The following PLCB1 variants were observed in gnomAD, a reference collection of about 807,000 sequenced individuals.
PLCB1 encodes the protein phospholipase C beta 1.
Under a neutral mutation model 161.8 loss-of-function variants are expected in PLCB1, and 46 were observed. That is an observed-to-expected ratio of 0.28 (90% CI 0.22 to 0.36). The LOEUF (loss-of-function observed/expected upper bound fraction) is 0.36, where lower values mean the gene tolerates loss of function less well. PLCB1 is among the 10% of genes least tolerant of loss of function. The pLI is 1.00. For missense variants in PLCB1, 1,016 were observed against 1,472.5 expected (o/e 0.69, Z 5.07); for synonymous variants, 517 against 503.7 (o/e 1.03, Z -0.35).
At chr20:8,175,270 G>A (rs1482947889) in intron 2 of PLCB1, among the ~76,000 whole-genome samples, 3 of 151,704 alleles carry the variant, frequency 2.0e-5, no homozygotes, top group Admixed American at 1.3e-4. Flanking sequence ...ATAATAAAAA[G>A]GCAGATGTAA....
chr20:8,533,596 A>G (rs6039179), intron 3 of PLCB1, among the ~76,000 whole-genome samples: 13,005 of 149,516 alleles, frequency 0.087, 760 homozygotes, highest in East Asian at 0.2. Context: ...GTTTTGATTT[A>G]CATTTCTCTG....
chr20:8,658,827 C>A lies in PLCB1; in HGVS notation c.862+123C>A, dbSNP rs2076639. The A allele has an allele frequency of 0.41, 317,096 of 775,094 alleles. 66,904 individuals carry two copies. The highest frequency in any genetic ancestry group is 0.45 in the Admixed American group (16,147 of 35,504). 48.0% of individuals were successfully genotyped at this position (775,094 alleles called of 1,614,324 possible). On this transcript the variant is annotated intron_variant, in intron 9 of 31. Coordinates refer to ENST00000338037, the MANE Select transcript of PLCB1 (RefSeq NM_015192.4). ...TCCTCTGTTTACAAGGCATTCCTTT[C>A]GGTCTGAAATCACTTGGTGGTTCAG...
intron 10 of PLCB1, among the ~76,000 whole-genome samples, chr20:8,686,486 A>G (rs765277885): frequency 2.6e-5 from 4 of 152,238 alleles, no homozygotes; most frequent in Non-Finnish European, 5.9e-5. Context: ...TGATATATTT[A>G]TATTCATTAC....
intron 2 of PLCB1, among the ~76,000 whole-genome samples, chr20:8,208,441 A>G (rs1978645371): frequency 2.6e-5 from 4 of 152,030 alleles, no homozygotes. Context: ...ACATCAATAA[A>G]CCATAGACAT....
chr20:8,471,404 T>C (rs1982048519), intron 3 of PLCB1, among the ~76,000 whole-genome samples: 1 of 152,160 alleles, frequency 6.6e-6, no homozygotes, highest in Non-Finnish European at 1.5e-5. Context: ...GCTTTAAGGA[T>C]GTTAATTTTT....
chr20:8,265,927 T>C (rs779437112), intron 2 of PLCB1, among the ~76,000 whole-genome samples: 1 of 152,200 alleles, frequency 6.6e-6, no homozygotes, highest in Non-Finnish European at 1.5e-5. Flanking sequence ...GGAGGACTAA[T>C]TTTTATTGTA....
chr20:8,348,758 G>A (rs907975081), intron 2 of PLCB1, among the ~76,000 whole-genome samples: 1 of 152,150 alleles, frequency 6.6e-6, no homozygotes, highest in Non-Finnish European at 1.5e-5. Flanking sequence ...CACATTTACT[G>A]TGGTTATAAG....
intron 2 of PLCB1, among the ~76,000 whole-genome samples, chr20:8,251,078 T>C (rs1323776757): frequency 6.6e-6 from 1 of 151,888 alleles, no homozygotes; most frequent in East Asian, 1.9e-4. Flanking sequence ...CAGTGTCTGG[T>C]AGTGGTCTGT....
intron 2 of PLCB1, among the ~76,000 whole-genome samples, chr20:8,338,115 G>A (rs963366471): frequency 1.3e-5 from 2 of 152,126 alleles, no homozygotes; most frequent in African/African-American, 4.8e-5. Context: ...CTGATTCACA[G>A]TTCTAGGAAT....
chr20:8,744,626 A>AAAATAAAATTAAAATAAAATG, intron 23 of PLCB1, among the ~76,000 whole-genome samples: 1 of 145,968 alleles, frequency 6.9e-6, no homozygotes, highest in Non-Finnish European at 1.5e-5. Context: ...TAAATAAAAT[A>AAAATAAAATTAAAATAAAATG]AAATAAAATA....
intron 3 of PLCB1, among the ~76,000 whole-genome samples, chr20:8,547,666 C>T (rs183796354): frequency 6.6e-6 from 1 of 152,296 alleles, no homozygotes; most frequent in Non-Finnish European, 1.5e-5. Context: ...CCTTGACATT[C>T]CACAGTGGCC....
intron 3 of PLCB1, chr20:8,600,908 C>T (rs1050868669): frequency 2.0e-5 from 3 of 152,718 alleles, no homozygotes; most frequent in South Asian, 2.0e-4. Flanking sequence ...AAAGGGAACT[C>T]CCTGACCCCT....
intron 2 of PLCB1, among the ~76,000 whole-genome samples, chr20:8,278,223 A>G (rs1428574630): frequency 1.1e-5 from 1 of 90,746 alleles, no homozygotes; most frequent in African/African-American, 4.8e-5. Flanking sequence ...AATGTGTATG[A>G]TACTGTTTTT....
At chr20:8,737,935 T>G (rs1390235274) in intron 20 of PLCB1, among the ~76,000 whole-genome samples, 1 of 152,256 alleles carries the variant, frequency 6.6e-6, no homozygotes, top group Non-Finnish European at 1.5e-5. Flanking sequence ...ATTCCATAAG[T>G]AAATACATTG....
chr20:8,136,499 G>A (rs560134666), intron 1 of PLCB1, among the ~76,000 whole-genome samples: 12 of 151,842 alleles, frequency 7.9e-5, no homozygotes, highest in African/African-American at 1.2e-4. Flanking sequence ...GGTGGCGGGC[G>A]CCTGTAGTCC....
chr20:8,644,519 C>A (rs1488437898), intron 4 of PLCB1, among the ~76,000 whole-genome samples: 1 of 151,218 alleles, frequency 6.6e-6, no homozygotes, highest in Non-Finnish European at 1.5e-5. Context: ...CGTCTCTGCC[C>A]GGCCGCCCCG....
At chr20:8,878,116 A>G (rs945992741) in intron 31 of PLCB1, among the ~76,000 whole-genome samples, 1 of 152,200 alleles carries the variant, frequency 6.6e-6, no homozygotes, top group African/African-American at 2.4e-5. Context: ...ATCAAGCACT[A>G]TGGGGTCTTG....
At chr20:8,138,907 C>T (rs16994436) in intron 1 of PLCB1, among the ~76,000 whole-genome samples, 24,284 of 151,686 alleles carry the variant, frequency 0.16, 2,436 homozygotes, top group Admixed American at 0.24. Context: ...TTGCATGTAC[C>T]TATTAATTGA....
At position 8,322,054 on chromosome 20, in the gene PLCB1, C is replaced by T. The variant is rs540801906; in HGVS notation, c.178-49328C>T. On this transcript the variant is annotated intron_variant, in intron 2 of 31. Coordinates refer to ENST00000338037, the MANE Select transcript of PLCB1 (RefSeq NM_015192.4). The stretch of plus-strand genomic sequence containing the variant: ...CAGGTCCATCAGGTTTTAGTAGGGG[C>T]GGATCTGAGGCATGTTCTCCTGATC... Among the ~76,000 whole-genome samples, 15 of 152,234 alleles carry T rather than the reference C, an allele frequency of 9.9e-5. No individual in the cohort carries two copies. In the East Asian group the frequency reaches 1.5e-3, roughly 16 times the overall value.
Sources: gnomAD v4.1 joint callset for allele counts (sites outside exome capture counted in the v4.1 genomes callset) on GRCh38, gnomAD v4.1.1 for gene constraint, MANE v1.5 for transcripts, NCBI Gene and HGNC (gene_info 2026-07-23, HGNC 2026-07-21) for gene names.